Variants in ATP9B observed in about 807,000 individuals in gnomAD.
The protein encoded by ATP9B is probable phospholipid-transporting ATPase IIB.
In ATP9B, 110 loss-of-function variants were observed where a neutral mutation model predicts 146.1. The observed-to-expected ratio is 0.75, with a 90% CI of 0.65 to 0.88. The LOEUF is 0.88. Among genes scored for constraint, ATP9B ranks in the 40% least tolerant of loss-of-function variants. The pLI, the probability that ATP9B is intolerant of heterozygous loss-of-function variation, is 0.00. For synonymous variants in ATP9B, 604 were observed against 569.7 expected (o/e 1.06, Z -0.86); for missense variants, 1,499 against 1,496.4 (o/e 1.00, Z -0.03).
intron 4 of ATP9B, among the ~76,000 whole-genome samples, chr18:79,119,022 G>C (rs2094142399): frequency 6.6e-6 from 1 of 151,254 alleles, no homozygotes; most frequent in African/African-American, 2.4e-5. Context: ...TGTGAGCCAT[G>C]ATTGCGCCAC....
At chr18:79,137,973 A>G (rs2094467827) in intron 5 of ATP9B, among the ~76,000 whole-genome samples, 2 of 152,178 alleles carry the variant, frequency 1.3e-5, no homozygotes, top group Non-Finnish European at 2.9e-5. Context: ...GTGTTGAGGA[A>G]ATGGGTTAAG....
intron 9 of ATP9B, among the ~76,000 whole-genome samples, chr18:79,200,526 C>G (rs145445252): frequency 6.6e-6 from 1 of 151,794 alleles, no homozygotes; most frequent in African/African-American, 2.4e-5. Context: ...CCAGTGCACA[C>G]AGAACATTTA....
intron 4 of ATP9B, among the ~76,000 whole-genome samples, chr18:79,124,598 C>T (rs1051176228): frequency 1.3e-5 from 2 of 152,200 alleles, no homozygotes; most frequent in East Asian, 1.9e-4. Context: ...AATACACTGG[C>T]AAAGATCAGA....
In ATP9B at chr18:79,375,415, G is replaced by C; in HGVS notation, c.3296G>C (p.Gly1099Ala). Reference protein sequence around the residue: ...EYFGIGRVSFGAFLDVAFITT... With the variant: ...EYFGIGRVSFAAFLDVAFITT... Reference sequence around the variant, plus strand: ...ACAGGTATAGGCAGAGTGTCTTTTGGAGCTTTCTTAGGTAGGTAAAGTTAT... The same window carrying C: ...ACAGGTATAGGCAGAGTGTCTTTTGCAGCTTTCTTAGGTAGGTAAAGTTAT... Residue 1099 changes from glycine to alanine, a missense_variant, in exon 29 of 30, where the codon GGA becomes GCA. Gly to Ala is a moderately conservative substitution (Grantham distance 60, BLOSUM62 0). Transcript: ENST00000426216. The C allele has an allele frequency of 6.2e-7, 1 of 1,612,856 alleles. No homozygotes were observed. Among genetic ancestry groups the C allele is most frequent in the Non-Finnish European group, 8.5e-7 (1 of 1,178,990 alleles).
intron 26 of ATP9B, among the ~76,000 whole-genome samples, chr18:79,370,639 T>C (rs1182682911): frequency 6.6e-6 from 1 of 152,220 alleles, no homozygotes; most frequent in East Asian, 1.9e-4. Flanking sequence ...TCTCAAATTA[T>C]CTATTTTGTT....
chr18:79,208,160 G>A (rs1043166647), intron 10 of ATP9B, among the ~76,000 whole-genome samples: 2 of 152,218 alleles, frequency 1.3e-5, no homozygotes, highest in Admixed American at 6.5e-5. Flanking sequence ...CAGGAGAATG[G>A]CGGGAACCCG....
intron 17 of ATP9B, among the ~76,000 whole-genome samples, chr18:79,330,560 C>T (rs1442425157): frequency 6.6e-6 from 1 of 151,960 alleles, no homozygotes; most frequent in African/African-American, 2.4e-5. Flanking sequence ...CTACAGGCAC[C>T]CGCCACCATG....
At chr18:79,141,662 A>T (rs539288203) in intron 5 of ATP9B, among the ~76,000 whole-genome samples, 54 of 152,302 alleles carry the variant, frequency 3.5e-4, no homozygotes, top group Non-Finnish European at 6.5e-4. Context: ...CTGTAAGATT[A>T]TTGAGGCCAG....
At chr18:79,201,776 G>A (rs1392292239) in intron 9 of ATP9B, among the ~76,000 whole-genome samples, 1 of 152,042 alleles carries the variant, frequency 6.6e-6, no homozygotes, top group African/African-American at 2.4e-5. Context: ...CACCATATTG[G>A]TCTCGAACTC....
intron 8 of ATP9B, among the ~76,000 whole-genome samples, chr18:79,192,479 TG>T (rs1293625011): frequency 1.3e-5 from 2 of 152,164 alleles, no homozygotes; most frequent in African/African-American, 4.8e-5. Context: ...GAAGAGGCAC[TG>T]GGGTGGCGTC....
chr18:79,281,284 G>A (rs1433828468), intron 13 of ATP9B, among the ~76,000 whole-genome samples: 2 of 152,078 alleles, frequency 1.3e-5, no homozygotes, highest in African/African-American at 2.4e-5. Context: ...ATCACCTAAG[G>A]TCAGGAGTTC....
chr18:79,375,771 C>A, intron 29 of ATP9B: 1 of 985,444 alleles, frequency 1.0e-6, no homozygotes, highest in Non-Finnish European at 1.2e-6. Flanking sequence ...TGAGTACACA[C>A]AAACTTAGGA....
rs181583840 is a variant in ATP9B, at chr18:79,092,927, T to C, written c.120-3549T>C. On this transcript the variant is annotated intron_variant, in intron 1 of 29. Coordinates refer to ENST00000426216, the MANE Select transcript of ATP9B (RefSeq NM_198531.5). ...ACAGTATAGTAAATACATAAACCAA[T>C]AGCATAGTCATTAGTTATGATTGTC... 1.4e-3 allele frequency among the ~76,000 whole-genome samples: 220 copies of C among 152,288 alleles called. 3 individuals are homozygous for C. The highest frequency in any genetic ancestry group is 5.0e-3 in the African/African-American group (207 of 41,566).
chr18:79,240,438 G>A (rs534906571), intron 11 of ATP9B, among the ~76,000 whole-genome samples: 10 of 152,340 alleles, frequency 6.6e-5, no homozygotes, highest in Admixed American at 6.5e-4. Flanking sequence ...GAGCCTAATG[G>A]AAGTTTGAGT....
chr18:79,127,719 C>T (rs1282256959), intron 5 of ATP9B, among the ~76,000 whole-genome samples: 1 of 152,186 alleles, frequency 6.6e-6, no homozygotes, highest in Non-Finnish European at 1.5e-5. Flanking sequence ...ATCTTGGATA[C>T]ATACCTAGGA....
At chr18:79,306,379 G>A (rs2096620613) in intron 14 of ATP9B, among the ~76,000 whole-genome samples, 2 of 152,158 alleles carry the variant, frequency 1.3e-5, no homozygotes, top group Non-Finnish European at 2.9e-5. Context: ...ACACACATAA[G>A]CCCTAAATGG....
At chr18:79,142,212 G>A (rs1364464313) in intron 5 of ATP9B, among the ~76,000 whole-genome samples, 3 of 152,150 alleles carry the variant, frequency 2.0e-5, no homozygotes, top group East Asian at 3.9e-4. Context: ...GAAATTAATC[G>A]TGATCACTAT....
chr18:79,182,238 C>T (rs1031440602), intron 8 of ATP9B, among the ~76,000 whole-genome samples: 16 of 152,158 alleles, frequency 1.1e-4, no homozygotes, highest in Non-Finnish European at 2.2e-4. Flanking sequence ...CTAGTCAAAA[C>T]TCAGCTCTCC....
chr18:79,241,455 G>A (rs1025553535), intron 11 of ATP9B, among the ~76,000 whole-genome samples: 2 of 152,178 alleles, frequency 1.3e-5, no homozygotes, highest in Non-Finnish European at 2.9e-5. Context: ...GAGAGATGTC[G>A]TTCTTTCTCT....
Sources: gnomAD v4.1 joint callset for allele counts (sites outside exome capture counted in the v4.1 genomes callset) on GRCh38, gnomAD v4.1.1 for gene constraint, MANE v1.5 for transcripts, NCBI Gene and HGNC (gene_info 2026-07-23, HGNC 2026-07-21) for gene names.